Variants in ZNF654 observed in about 807,000 individuals in gnomAD.
ZNF654 encodes zinc finger protein 654, also known as melanoma-associated antigen.
ZNF654 carries 19 observed loss-of-function variants against 95.3 expected under a neutral mutation model. The ratio of observed to expected loss-of-function variants is 0.20; its 90% CI spans 0.14 to 0.29. The LOEUF (loss-of-function observed/expected upper bound fraction) is 0.29. Ranked by LOEUF, ZNF654 falls within the 10% of genes least tolerant of loss-of-function variation. The pLI is 1.00. For synonymous variants in ZNF654, 413 were observed against 457.9 expected, an observed-to-expected ratio of 0.90 and a Z score of 1.25; for missense variants, 1,046 against 1,341.0, an observed-to-expected ratio of 0.78 and a Z score of 3.44.
chr3:88,118,684 TTTA>T (rs1191250694), intron 3 of ZNF654, among the ~76,000 whole-genome samples: 1 of 152,168 alleles, frequency 6.6e-6, no homozygotes, highest in Non-Finnish European at 1.5e-5. Context: ...GCTAAAAGGC[TTTA>T]AAAGAAAACA....
chr3:88,138,344 CAA>C (rs1559735319), intron 7 of ZNF654, among the ~76,000 whole-genome samples: 1 of 151,970 alleles, frequency 6.6e-6, no homozygotes, highest in African/African-American at 2.4e-5. Flanking sequence ...ACCCTTCTCT[CAA>C]AGAATATGAG....
chr3:88,123,028 T>A (rs7633215), intron 3 of ZNF654, among the ~76,000 whole-genome samples: 141,073 of 149,992 alleles, frequency 0.94, 66,848 homozygotes, highest in Non-Finnish European at 1. Flanking sequence ...AAAAAAAAAG[T>A]AAAAAGAAAA....
intron 2 of ZNF654, among the ~76,000 whole-genome samples, chr3:88,099,381 T>G (rs7635996): frequency 6.6e-6 from 1 of 152,074 alleles, no homozygotes; most frequent in Non-Finnish European, 1.5e-5. Flanking sequence ...GAATCAATAT[T>G]GTGAAAACGG....
intron 1 of ZNF654, among the ~76,000 whole-genome samples, chr3:88,078,481 G>A (rs1241905950): frequency 6.6e-6 from 1 of 152,110 alleles, no homozygotes; most frequent in Non-Finnish European, 1.5e-5. Flanking sequence ...AAGATTTGAA[G>A]ATACAAATAA....
Position 88,140,523 on chromosome 3 carries a change from A to C in ZNF654, c.2854A>C (p.Asn952His), listed in dbSNP as rs1479506352. 6.2e-7 allele frequency: 1 copy of C among 1,613,776 alleles called. No homozygotes were observed. The highest frequency in any genetic ancestry group is 8.5e-7 in the Non-Finnish European group (1 of 1,179,746). ...GNERSDDTVS[N>H]ISLIDQKMPD... is the part of the protein sequence containing the mutation. ...CGAACGTTCTGATGACACTGTTTCA[A>C]ATATAAGCTTGATAGACCAAAAGAT... The change falls in exon 8 of 9, where the codon AAT becomes CAT. Residue 952 changes from asparagine to histidine, a missense_variant. By Grantham distance (68) the Asn-to-His change is moderately conservative. This residue lies in a region of ZNF654 where 495 missense variants were observed against 537.0 expected (regional missense o/e 0.92). Transcript: ENST00000636215.
chr3:88,082,274 G>A (rs575341317), intron 1 of ZNF654, among the ~76,000 whole-genome samples: 13 of 152,094 alleles, frequency 8.5e-5, no homozygotes, highest in East Asian at 5.8e-4. Flanking sequence ...CTACAGGCGC[G>A]TGCCACCACG....
chr3:88,105,742 T>G (rs1248768185), intron 2 of ZNF654, among the ~76,000 whole-genome samples: 2 of 152,190 alleles, frequency 1.3e-5, no homozygotes, highest in East Asian at 3.8e-4. Context: ...CTTGGTATAT[T>G]TTTAATTTGT....
intron 1 of ZNF654, among the ~76,000 whole-genome samples, chr3:88,081,235 T>C (rs1251314686): frequency 6.6e-6 from 1 of 152,238 alleles, no homozygotes; most frequent in East Asian, 1.9e-4. Context: ...TTCATGATGA[T>C]AATGTATTTT....
At position 88,140,084 on chromosome 3, in the gene ZNF654, C is replaced by T; in HGVS notation, c.2415C>T (p.His805=). Residue 805 remains histidine, a synonymous_variant, in exon 8 of 9, where the codon CAC becomes CAT. Coordinates refer to ENST00000636215, the MANE Select transcript of ZNF654 (RefSeq NM_001350134.2). Reference sequence around the variant, plus strand: ...AAGATTCTCAACATTTTATAGACCACCTTAATAGACATAGCTATCCAAATG... The same window carrying T: ...AAGATTCTCAACATTTTATAGACCATCTTAATAGACATAGCTATCCAAATG... ...QFEDSQHFID[H]LNRHSYPNVY... 1 of 1,613,816 alleles carries T rather than the reference C, an allele frequency of 6.2e-7. No individual in the cohort carries two copies. Among genetic ancestry groups the T allele is most frequent in the South Asian group, 1.1e-5 (1 of 91,070 alleles).
chr3:88,109,338 T>TACCAA (rs1396267038), intron 2 of ZNF654, among the ~76,000 whole-genome samples: 1 of 152,168 alleles, frequency 6.6e-6, no homozygotes, highest in African/African-American at 2.4e-5. Flanking sequence ...TTCTGTAAGA[T>TACCAA]ACCAAACCTT....
Position 88,082,020 on chromosome 3 carries a change from G to T in ZNF654, c.187-4237G>T, listed in dbSNP as rs139560343. Among the ~76,000 whole-genome samples the T allele has an allele frequency of 4.6e-4, 70 of 152,278 alleles. No individual in the cohort carries two copies. In the East Asian group the frequency reaches 0.013, roughly 28 times the overall value. On this transcript the variant is annotated intron_variant, in intron 1 of 8. Transcript: ENST00000636215. ...AAATTAGCAAACTTATCAATGCACA[G>T]ATTGTATTAGTCTGCGTTCAACAAA...
At chr3:88,124,990 C>T (rs12495156) in intron 3 of ZNF654, among the ~76,000 whole-genome samples, 8,687 of 151,850 alleles carry the variant, frequency 0.057, 275 homozygotes, top group Admixed American at 0.079. Flanking sequence ...CCGAGGCAGG[C>T]GGATCATGAG....
At chr3:88,141,075 G>C in intron 8 of ZNF654, 27 bp downstream of exon 8, 1 of 1,543,654 alleles carries the variant, frequency 6.5e-7, no homozygotes, top group Non-Finnish European at 8.7e-7. Flanking sequence ...CTTAGTAGAG[G>C]TATCTGTAGA....
intron 2 of ZNF654, among the ~76,000 whole-genome samples, chr3:88,088,440 G>A (rs990257504): frequency 7.2e-5 from 11 of 151,986 alleles, no homozygotes; most frequent in African/African-American, 2.2e-4. Flanking sequence ...GAGAAGTTAC[G>A]TACAACATTA....
At position 88,086,851 on chromosome 3, in the gene ZNF654, C is replaced by T. The variant is rs1285977292; in HGVS notation, c.332+449C>T. ...AGGCTGGAGTGCAGTGGTGCCATCT[C>T]GGCTCACTGCAAGCTCCCCCTCCCG... On this transcript the variant is annotated intron_variant, in intron 2 of 8. Transcript: ENST00000636215. Among the ~76,000 whole-genome samples, 6 of 150,648 alleles carry T rather than the reference C, an allele frequency of 4.0e-5. No homozygotes were observed. In the South Asian group the frequency reaches 8.4e-4, roughly 21 times the overall value.
chr3:88,065,514 A>T (rs1292715470), intron 1 of ZNF654, among the ~76,000 whole-genome samples: 3 of 152,216 alleles, frequency 2.0e-5, no homozygotes, highest in African/African-American at 7.2e-5. Context: ...TACTGAAAAG[A>T]CACAGGACAC....
chr3:88,078,016 CT>C (rs1385807310), intron 1 of ZNF654, among the ~76,000 whole-genome samples: 1 of 152,026 alleles, frequency 6.6e-6, no homozygotes, highest in African/African-American at 2.4e-5. Context: ...TGTGAAATTT[CT>C]TTGTATTTAA....
chr3:88,107,322 A>G (rs534717093), intron 2 of ZNF654, among the ~76,000 whole-genome samples: 1 of 152,168 alleles, frequency 6.6e-6, no homozygotes, highest in South Asian at 2.1e-4. Context: ...TCAAATTGTC[A>G]AAATTCGTTA....
chr3:88,129,092 G>C, intron 5 of ZNF654, 81 bp downstream of exon 5: 1 of 1,018,190 alleles, frequency 9.8e-7, no homozygotes, highest in Non-Finnish European at 1.4e-6. Context: ...GCCCACTGTT[G>C]TTGTTAAATT....
Sources: allele counts gnomAD v4.1 joint callset (sites outside exome capture counted in the v4.1 genomes callset), GRCh38; gene constraint gnomAD v4.1.1; regional missense constraint gnomAD v4.1.1; transcripts MANE v1.5; gene names NCBI Gene and HGNC (gene_info 2026-07-23, HGNC 2026-07-21).